The following SVEP1 variants were observed in gnomAD, a reference collection of about 807,000 sequenced individuals.
SVEP1 encodes the protein sushi, von Willebrand factor type A, EGF and pentraxin domain containing 1, also known as sushi, von Willebrand factor type A, EGF and pentraxin domain-containing protein 1.
SVEP1 carries 164 observed loss-of-function variants against 367.3 expected under a neutral mutation model. The observed-to-expected ratio is 0.45, with a 90% CI of 0.39 to 0.51. SVEP1 has a LOEUF of 0.51. Among genes scored for constraint, SVEP1 ranks in the 20% least tolerant of loss-of-function variants. The pLI is 0.00. For synonymous variants in SVEP1, 1,666 were observed against 1,611.6 expected (o/e 1.03, Z -0.81); for missense variants, 4,117 against 4,425.3 (o/e 0.93, Z 1.98).
chr9:110,452,443 A>T (rs1198230356), intron 22 of SVEP1, among the ~76,000 whole-genome samples: 1 of 152,234 alleles, frequency 6.6e-6, no homozygotes, highest in African/African-American at 2.4e-5. Context: ...TGTAGGATAC[A>T]GGTGCATAAT....
At chr9:110,525,027 G>C (rs1321113060) in intron 3 of SVEP1, among the ~76,000 whole-genome samples, 1 of 152,016 alleles carries the variant, frequency 6.6e-6, no homozygotes, top group Non-Finnish European at 1.5e-5. Context: ...AATAATGAAA[G>C]TCCAAATGTT....
intron 3 of SVEP1, among the ~76,000 whole-genome samples, chr9:110,524,051 T>A (rs571238928): frequency 7.9e-5 from 12 of 152,172 alleles, no homozygotes; most frequent in African/African-American, 2.9e-4. Context: ...ATCTGACAAC[T>A]CAAATGAAAC....
chr9:110,515,491 G>A (rs1382412966), intron 3 of SVEP1, among the ~76,000 whole-genome samples: 2 of 151,746 alleles, frequency 1.3e-5, no homozygotes, highest in East Asian at 1.9e-4. Context: ...TAGTAGAGAC[G>A]GGGTTTCACC....
chr9:110,405,478 C>A (rs111738078), intron 38 of SVEP1, among the ~76,000 whole-genome samples: 45 of 148,206 alleles, frequency 3.0e-4, no homozygotes, highest in African/African-American at 1.0e-3. Flanking sequence ...CAGCATAATT[C>A]ATATGTATTA....
chr9:110,480,870 C>T (rs1052323142), intron 12 of SVEP1, among the ~76,000 whole-genome samples: 10 of 151,982 alleles, frequency 6.6e-5, no homozygotes, highest in African/African-American at 1.7e-4. Context: ...GATCCACCCG[C>T]CTCAGCCTTC....
Position 110,408,321 on chromosome 9 carries a change from T to C in SVEP1, c.7279A>G (p.Thr2427Ala), listed in dbSNP as rs773308730. The change falls in exon 38 of 48, where the codon ACC becomes GCC. Residue 2427 changes from threonine to alanine, a missense_variant. Physicochemically the swap from Thr to Ala is moderately conservative, Grantham distance 58. Transcript: ENST00000374469. The stretch of plus-strand genomic sequence containing the variant: ...CATTCTGGCAGTGGAGAGCTCCAGG[T>C]GCCATCAGGTTGGCAGAGGGTGGTA... ...NSTTLCQPDG[T>A]WSSPLPECVP... 2 of 1,613,808 alleles carry C rather than the reference T, an allele frequency of 1.2e-6. No individual in the cohort carries two copies. Among genetic ancestry groups the C allele is most frequent in the African/African-American group, 2.7e-5 (2 of 74,924 alleles).
chr9:110,495,245 C>A (rs937458664), intron 8 of SVEP1, among the ~76,000 whole-genome samples: 1 of 152,046 alleles, frequency 6.6e-6, no homozygotes, highest in African/African-American at 2.4e-5. Context: ...ACGGCCCCCC[C>A]AAAGATCATC....
intron 45 of SVEP1, among the ~76,000 whole-genome samples, chr9:110,375,964 G>T (rs72762677): frequency 6.6e-6 from 1 of 150,386 alleles, no homozygotes; most frequent in Non-Finnish European, 1.5e-5. Flanking sequence ...CTTTATTTCC[G>T]AGAAGCTGAG....
chr9:110,411,406 A>T lies in SVEP1; in HGVS notation c.6305T>A (p.Phe2102Tyr). ...SILESVSKAKFAAGSVVSFKC... is the reference protein window; with the variant it reads ...SILESVSKAKYAAGSVVSFKC... ...AAAGCTCACAACTGAGCCAGCTGCA[A>T]ATTTTGCTTTGCTCACAGATTCCAA... Residue 2102 changes from phenylalanine (F) to tyrosine (Y), a missense_variant, in exon 37 of 48, where the codon TTT (phenylalanine) becomes TAT (tyrosine). Coordinates refer to ENST00000374469, the MANE Select transcript of SVEP1 (RefSeq NM_153366.4). 2.5e-6 allele frequency: 4 copies of T among 1,614,018 alleles called. No homozygotes were observed. The highest frequency in any genetic ancestry group is 3.4e-6 in the Non-Finnish European group (4 of 1,179,894).
At chr9:110,522,882 T>C (rs905116174) in intron 3 of SVEP1, among the ~76,000 whole-genome samples, 13 of 152,230 alleles carry the variant, frequency 8.5e-5, no homozygotes, top group Admixed American at 1.3e-4. Flanking sequence ...GGTACACTAA[T>C]TTAAAAGCCT....
At chr9:110,430,060 T>C (rs1828326368) in intron 33 of SVEP1, 56 bp from the exon 34 acceptor site, 1 of 1,569,134 alleles carries the variant, frequency 6.4e-7, no homozygotes, top group Admixed American at 1.7e-5. Flanking sequence ...CAAAAATCTT[T>C]GAAATTTCAA....
Position 110,411,506 on chromosome 9 carries a change from G to A in SVEP1, c.6205C>T (p.Pro2069Ser), listed in dbSNP as rs764299953. ...CGGGGCATGTCTTGACCTTCTGGGGGTACCCACTTGCCCTGGGCATTGCAG... is the reference window on the plus strand; with the variant it reads ...CGGGGCATGTCTTGACCTTCTGGGGATACCCACTTGCCCTGGGCATTGCAG... ...LLCNAQGKWV[P>S]PEGQDMPRCI... Residue 2069 changes from proline to serine, a missense_variant, in exon 37 of 48, where the codon CCC (proline) becomes TCC (serine). Transcript: ENST00000374469. 13 of 1,614,052 alleles carry A rather than the reference G, an allele frequency of 8.1e-6. No homozygotes were observed. Among genetic ancestry groups the A allele is most frequent in the African/African-American group, 4.0e-5 (3 of 75,062 alleles).
At chr9:110,519,130 T>G (rs1409916804) in intron 3 of SVEP1, among the ~76,000 whole-genome samples, 1 of 152,186 alleles carries the variant, frequency 6.6e-6, no homozygotes, top group Non-Finnish European at 1.5e-5. Context: ...CTCTGTGACT[T>G]GGTTTCTTCG....
At chr9:110,410,450 T>A (rs551619785) in intron 37 of SVEP1, among the ~76,000 whole-genome samples, 2 of 152,338 alleles carry the variant, frequency 1.3e-5, no homozygotes, top group East Asian at 3.9e-4. Context: ...TCTAAGCATT[T>A]AAAATTATAA....
chr9:110,407,143 T>G lies in SVEP1; in HGVS notation c.8457A>C (p.Lys2819Asn), dbSNP rs1827968092. ...AAATGGGCTCATCCTCATCCCAGTT[T>G]TTGTCATCCTGGCATGTTCTCCTCT... ...GTERRTCQDD[K>N]NWDEDEPICI... The change falls in exon 38 of 48, where the codon AAA becomes AAC. Residue 2819 changes from lysine to asparagine, a missense_variant. Lys to Asn is a moderately conservative substitution (Grantham distance 94). Coordinates refer to ENST00000374469, the MANE Select transcript of SVEP1 (RefSeq NM_153366.4). The G allele has an allele frequency of 1.2e-6, 2 of 1,614,004 alleles. No homozygotes were observed. Among genetic ancestry groups the G allele is most frequent in the East Asian group, 4.5e-5 (2 of 44,878 alleles).
chr9:110,408,483 A>G lies in SVEP1; in HGVS notation c.7117T>C (p.Phe2373Leu), dbSNP rs1827990196. The G allele has an allele frequency of 6.2e-7, 1 of 1,613,872 alleles. No individual in the cohort carries two copies. The highest frequency in any genetic ancestry group is 8.5e-7 in the Non-Finnish European group (1 of 1,179,886). Residue 2373 changes from phenylalanine (F) to leucine (L), a missense_variant, in exon 38 of 48, where the codon TTC becomes CTC. Physicochemically the swap from Phe to Leu is conservative, Grantham distance 22 (BLOSUM62 0). Transcript: ENST00000374469. ...CLPSQQWNDS[F>L]PVCKIVLCTP... ...CAAAGAACAATCTTACAAACAGGGAAAGAGTCATTCCATTGCTGGGATGGC... is the reference window on the plus strand; with the variant it reads ...CAAAGAACAATCTTACAAACAGGGAGAGAGTCATTCCATTGCTGGGATGGC...
At chr9:110,522,801 A>G (rs1829893249) in intron 3 of SVEP1, among the ~76,000 whole-genome samples, 1 of 152,140 alleles carries the variant, frequency 6.6e-6, no homozygotes, top group Non-Finnish European at 1.5e-5. Flanking sequence ...TCTACCTCAC[A>G]TTCAATAAGA....
At chr9:110,428,995 G>GGA (rs1564140075) in intron 35 of SVEP1, 148 bp downstream of exon 35, 2 of 629,192 alleles carry the variant, frequency 3.2e-6, no homozygotes. Flanking sequence ...CTTGAGCCTG[G>GGA]GAGGCAGAGA....
chr9:110,429,907 C>T lies in SVEP1; in HGVS notation c.5615+13G>A. The T allele has an allele frequency of 6.2e-7, 1 of 1,607,530 alleles. No individual in the cohort carries two copies. Among genetic ancestry groups the T allele is most frequent in the Non-Finnish European group, 8.5e-7 (1 of 1,175,538 alleles). Reference sequence around the variant, plus strand: ...ACATCTTCTACAATATAGTTTTAATCTTAGATACTTACCTATATGTCACTT... The same window carrying T: ...ACATCTTCTACAATATAGTTTTAATTTTAGATACTTACCTATATGTCACTT... On this transcript the variant is annotated intron_variant, in intron 34 of 47. Transcript: ENST00000374469.
Sources: gnomAD v4.1 joint callset for allele counts (sites outside exome capture counted in the v4.1 genomes callset) on GRCh38, gnomAD v4.1.1 for gene constraint, MANE v1.5 for transcripts, NCBI Gene and HGNC (gene_info 2026-07-23, HGNC 2026-07-21) for gene names.